LINGO2: variants seen among roughly 807,000 people sequenced by gnomAD.
LINGO2 encodes leucine rich repeat and Ig domain containing 2, also known as leucine-rich repeat and immunoglobulin-like domain-containing nogo receptor-interacting protein 2.
LINGO2 carries 14 observed loss-of-function variants against 30.6 expected under a neutral mutation model. That is an observed-to-expected ratio of 0.46 (90% CI 0.30 to 0.72). The LOEUF is 0.72. Among genes scored for constraint, LINGO2 ranks in the 30% least tolerant of loss-of-function variants. The probability of loss-of-function intolerance (pLI) is 0.07; values close to 1 mark genes in which losing one functional copy is unlikely to be tolerated. For synonymous variants in LINGO2, 317 were observed against 288.5 expected (o/e 1.10, Z -1.00); for missense variants, 729 against 751.7 (o/e 0.97, Z 0.35).
At chr9:28,127,731 T>C (rs542052369) in intron 4 of LINGO2, among the ~76,000 whole-genome samples, 1 of 152,330 alleles carries the variant, frequency 6.6e-6, no homozygotes, top group East Asian at 1.9e-4. Flanking sequence ...TCACATATTC[T>C]TCACCGTTAT....
chr9:28,896,598 A>G, the LINGO2 span, among the ~76,000 whole-genome samples: 1 of 152,142 alleles, frequency 6.6e-6, no homozygotes, highest in Admixed American at 6.6e-5. Flanking sequence ...TGCCATAAAA[A>G]AATAAGAATG....
At chr9:28,422,015 T>C (rs1276168051) in intron 2 of LINGO2, among the ~76,000 whole-genome samples, 1 of 152,060 alleles carries the variant, frequency 6.6e-6, no homozygotes, top group East Asian at 1.9e-4. Flanking sequence ...TAATTCAAAA[T>C]GGATCAAAGA....
rs1414523915 is a variant in LINGO2, at chr9:28,129,919, C to T, written c.-86-117514G>A. Among the ~76,000 whole-genome samples, 1 of 152,078 alleles carries T rather than the reference C, an allele frequency of 6.6e-6. No homozygotes were observed. The highest frequency in any genetic ancestry group is 1.5e-5 in the Non-Finnish European group (1 of 68,026). ...TATAGAATGAGAAATAACTAAGATC[C>T]GTGTTTTGAGCCAGAACATGTGAAT... On this transcript the variant is annotated intron_variant, in intron 4 of 5. Transcript: ENST00000379992. The surrounding 1 kb of genome is among the most constrained non-coding windows in gnomAD (Gnocchi z 4.0).
the LINGO2 span, among the ~76,000 whole-genome samples, chr9:29,020,718 G>A: frequency 2.6e-5 from 4 of 152,014 alleles, no homozygotes; most frequent in Admixed American, 6.6e-5. Context: ...CTGGAGCTGA[G>A]AGAAATGACA....
At chr9:29,005,633 C>T in the LINGO2 span, among the ~76,000 whole-genome samples, 1 of 152,032 alleles carries the variant, frequency 6.6e-6, no homozygotes, top group South Asian at 2.1e-4. Context: ...GGAATTGCTT[C>T]CAGGACACCC....
the LINGO2 span, among the ~76,000 whole-genome samples, chr9:28,706,938 A>G: frequency 4.0e-5 from 6 of 149,218 alleles, no homozygotes; most frequent in South Asian, 1.1e-3. Flanking sequence ...AAATAAATAT[A>G]TCTAAAAAAT....
At chr9:28,634,334 T>A (rs2135897872) in intron 1 of LINGO2, among the ~76,000 whole-genome samples, 1 of 152,188 alleles carries the variant, frequency 6.6e-6, no homozygotes, top group East Asian at 1.9e-4. Flanking sequence ...TTGCATAAGT[T>A]CTCTAGAGGT....
chr9:28,573,567 C>A (rs988930710), intron 1 of LINGO2, among the ~76,000 whole-genome samples: 5 of 152,062 alleles, frequency 3.3e-5, no homozygotes, highest in African/African-American at 1.2e-4. Flanking sequence ...GACTATTTTC[C>A]CGAACACTAT....
chr9:28,498,900 T>A (rs1042849881), intron 1 of LINGO2, among the ~76,000 whole-genome samples: 2 of 152,092 alleles, frequency 1.3e-5, no homozygotes, highest in Non-Finnish European at 2.9e-5. Context: ...TAATACTACA[T>A]AATGTGGTAG....
At chr9:28,182,842 C>G (rs532046829) in intron 4 of LINGO2, among the ~76,000 whole-genome samples, 1 of 152,304 alleles carries the variant, frequency 6.6e-6, no homozygotes, top group South Asian at 2.1e-4. Context: ...AATATGAACA[C>G]TTTTACACTG....
intron 4 of LINGO2, among the ~76,000 whole-genome samples, chr9:28,199,833 A>G (rs1820162891): frequency 6.6e-6 from 1 of 152,180 alleles, no homozygotes; most frequent in Admixed American, 6.5e-5. Context: ...CAATACATTG[A>G]AAGATAATTC....
chr9:28,479,339 C>A (rs1347035658), intron 1 of LINGO2, among the ~76,000 whole-genome samples: 1 of 151,424 alleles, frequency 6.6e-6, no homozygotes, highest in Non-Finnish European at 1.5e-5. Flanking sequence ...TTTTAGGTAG[C>A]CAATTATATT....
chr9:28,932,902 A>G, the LINGO2 span, among the ~76,000 whole-genome samples: 1 of 149,796 alleles, frequency 6.7e-6, no homozygotes, highest in Non-Finnish European at 1.5e-5. Context: ...TCTTTTTATT[A>G]TATTATTATT....
At chr9:28,569,811 C>T (rs914565943) in intron 1 of LINGO2, among the ~76,000 whole-genome samples, 1 of 151,766 alleles carries the variant, frequency 6.6e-6, no homozygotes, top group African/African-American at 2.4e-5. Flanking sequence ...AAAAAGGTAA[C>T]TATGTGAGGT....
At chr9:28,643,848 T>G (rs2135944438) in intron 1 of LINGO2, among the ~76,000 whole-genome samples, 1 of 151,728 alleles carries the variant, frequency 6.6e-6, no homozygotes, top group East Asian at 1.9e-4. Flanking sequence ...GAAAAAAACA[T>G]AAAAATCCAC....
chr9:28,994,842 T>C, the LINGO2 span, among the ~76,000 whole-genome samples: 56 of 152,282 alleles, frequency 3.7e-4, no homozygotes, highest in African/African-American at 1.2e-3. Context: ...CTGGATCCCT[T>C]CCTTACACCT....
the LINGO2 span, among the ~76,000 whole-genome samples, chr9:28,802,584 G>C: frequency 6.6e-6 from 1 of 151,946 alleles, no homozygotes; most frequent in East Asian, 1.9e-4. Context: ...GTCTAATTTT[G>C]TCTCTAATAT....
chr9:28,427,292 G>A (rs147664567), intron 2 of LINGO2, among the ~76,000 whole-genome samples: 105 of 152,120 alleles, frequency 6.9e-4, no homozygotes, highest in Non-Finnish European at 1.4e-3. Flanking sequence ...GGCACTAGAG[G>A]GGTTTCTTGC....
intron 1 of LINGO2, among the ~76,000 whole-genome samples, chr9:28,525,169 C>A (rs1208903550): frequency 6.6e-6 from 1 of 152,164 alleles, no homozygotes; most frequent in African/African-American, 2.4e-5. Context: ...TAACACTTCA[C>A]TTCTACTAGG....
Sources: gnomAD v4.1 joint callset for allele counts (sites outside exome capture counted in the v4.1 genomes callset) on GRCh38, gnomAD v4.1.1 for gene constraint, Gnocchi (gnomAD v3.1) non-coding constraint, MANE v1.5 for transcripts, NCBI Gene and HGNC (gene_info 2026-07-23, HGNC 2026-07-21) for gene names.